HIPK4: variants seen among roughly 807,000 people sequenced by gnomAD.
The protein encoded by HIPK4 is homeodomain interacting protein kinase 4.
HIPK4 carries 26 observed loss-of-function variants against 44.8 expected under a neutral mutation model. That is an observed-to-expected ratio of 0.58 (90% CI 0.43 to 0.80). The LOEUF (loss-of-function observed/expected upper bound fraction) is 0.80. HIPK4 is among the 30% of genes least tolerant of loss of function. The probability of loss-of-function intolerance (pLI) is 0.00; values close to 1 mark genes in which losing one functional copy is unlikely to be tolerated. For missense variants in HIPK4, 729 were observed against 862.6 expected (o/e 0.85, Z 1.94); for synonymous variants, 340 against 355.5 (o/e 0.96, Z 0.49).
intron 3 of HIPK4, 139 bp from the exon 4 acceptor site, chr19:40,379,908 T>A (rs998421599): frequency 2.2e-6 from 2 of 904,176 alleles, no homozygotes; most frequent in Non-Finnish European, 3.2e-6. Context: ...CCCTTTGTAG[T>A]GATGTGATGA....
rs760036906 is a variant in HIPK4, at chr19:40,380,463, C to T, written c.1528G>A (p.Val510Ile). The change falls in exon 3 of 4, where the codon GTC becomes ATC. Residue 510 changes from valine to isoleucine, a missense_variant. Coordinates refer to ENST00000291823, the MANE Select transcript of HIPK4 (RefSeq NM_144685.5). This position sits in a 1 kb window ranked among gnomAD's most constrained non-coding sequence, Gnocchi z 4.2. ...NFSNLIRLSQ[V>I]SPEDDRPCRG... ...CAGGGCCTGTCATCCTCAGGCGAGA[C>T]CTGGCTCAGCCGAATGAGGTTGCTG... 1.2e-6 allele frequency: 2 copies of T among 1,613,644 alleles called. No homozygotes were observed. The highest frequency in any genetic ancestry group is 2.2e-5 in the East Asian group (1 of 44,886).
In HIPK4 at chr19:40,389,468, C is replaced by A; in HGVS notation, c.435G>T (p.Val145=). 1 of 1,600,222 alleles carries A rather than the reference C, an allele frequency of 6.2e-7. No individual in the cohort carries two copies. The highest frequency in any genetic ancestry group is 8.5e-7 in the Non-Finnish European group (1 of 1,170,854). Residue 145 remains valine, a synonymous_variant, in exon 1 of 4, where the codon GTG becomes GTT. Coordinates refer to ENST00000291823, the MANE Select transcript of HIPK4 (RefSeq NM_144685.5). This position sits in a 1 kb window ranked among gnomAD's most constrained non-coding sequence, Gnocchi z 4.6. ...ADLKPENIML[V]DQTRCPFRVK... ...CCCTGAAGGGGCAGCGGGTCTGGTCCACCAGCATGATGTTCTCAGGCTTGA... is the reference window on the plus strand; with the variant it reads ...CCCTGAAGGGGCAGCGGGTCTGGTCAACCAGCATGATGTTCTCAGGCTTGA...
At position 40,381,169 on chromosome 19, in the gene HIPK4, C is replaced by A; in HGVS notation, c.823-1G>T. 6.3e-7 allele frequency: 1 copy of A among 1,590,680 alleles called. No individual in the cohort carries two copies. Among genetic ancestry groups the A allele is most frequent in the South Asian group, 1.1e-5 (1 of 90,448 alleles). On this transcript the variant is annotated splice_acceptor_variant, in intron 2 of 3. Coordinates refer to ENST00000291823, the MANE Select transcript of HIPK4 (RefSeq NM_144685.5). LOFTEE classifies it high-confidence loss of function. Reference sequence around the variant, plus strand: ...ACTTGCGGCGCTCCAATGGGCGCACCTGGCGGGGCATGGAGAAGGGGGCAG... The same window carrying A: ...ACTTGCGGCGCTCCAATGGGCGCACATGGCGGGGCATGGAGAAGGGGGCAG...
chr19:40,383,745 C>T, intron 2 of HIPK4, 38 bp downstream of exon 2: 2 of 1,510,368 alleles, frequency 1.3e-6, no homozygotes, highest in South Asian at 1.2e-5. Context: ...CATGTAACAG[C>T]CCCCACACTG....
chr19:40,388,289 A>T (rs1333982780), intron 1 of HIPK4, among the ~76,000 whole-genome samples: 1 of 152,178 alleles, frequency 6.6e-6, no homozygotes, highest in Non-Finnish European at 1.5e-5. Flanking sequence ...AAGTGCTGGG[A>T]TTACAGGCGT....
At chr19:40,388,910 G>A (rs957405830) in intron 1 of HIPK4, among the ~76,000 whole-genome samples, 16 of 152,324 alleles carry the variant, frequency 1.1e-4, no homozygotes, top group South Asian at 2.1e-4. Context: ...TTGGCTGGGC[G>A]TGGTGGCTCA....
Position 40,379,597 on chromosome 19 carries a change from C to T in HIPK4, c.1841G>A (p.Gly614Glu), listed in dbSNP as rs374456621. The change falls in exon 4 of 4, where the codon GGG (glycine) becomes GAG (glutamate). Residue 614 changes from glycine to glutamate, a missense_variant. By Grantham distance (98) the Gly-to-Glu change is moderately conservative. Around this residue, in one of 2 missense-constraint regions of HIPK4, gnomAD observed 533 missense variants for 567.5 expected, o/e 0.94. Coordinates refer to ENST00000291823, the MANE Select transcript of HIPK4 (RefSeq NM_144685.5). The part of the protein sequence containing the change: ...GATSFLQHVT[G>E]HH ...GGGGTGGAATCACCATCAGTGGTGC[C>T]CGGTGACATGCTGGAGGAAGCTGGT... 25 of 1,534,782 alleles carry T rather than the reference C, an allele frequency of 1.6e-5. No individual in the cohort carries two copies. The highest frequency in any genetic ancestry group is 2.2e-5 in the Non-Finnish European group (25 of 1,141,666).
At chr19:40,382,933 G>A (rs1463920560) in intron 2 of HIPK4, among the ~76,000 whole-genome samples, 1 of 151,002 alleles carries the variant, frequency 6.6e-6, no homozygotes, top group East Asian at 2.0e-4. Flanking sequence ...TGTAAGCCCA[G>A]CTACTCAGGA....
chr19:40,382,961 C>A (rs1242372019), intron 2 of HIPK4, among the ~76,000 whole-genome samples: 2 of 150,886 alleles, frequency 1.3e-5, no homozygotes, highest in Non-Finnish European at 3.0e-5. Context: ...GCAGGAGAAT[C>A]TCTTGAACCT....
chr19:40,383,305 A>G (rs1004099966), intron 2 of HIPK4, among the ~76,000 whole-genome samples: 1 of 151,610 alleles, frequency 6.6e-6, no homozygotes, highest in Non-Finnish European at 1.5e-5. Context: ...GCTGGTCTTG[A>G]ACTCCTGACC....
chr19:40,386,572 TG>T (rs1046567224), intron 1 of HIPK4, among the ~76,000 whole-genome samples: 81 of 151,946 alleles, frequency 5.3e-4, no homozygotes, highest in Non-Finnish European at 4.9e-4. Context: ...TTGCCCAGGA[TG>T]GCTCCTGGGC....
At chr19:40,381,197 T>A in intron 2 of HIPK4, 29 bp from the exon 3 acceptor site, 1 of 1,563,556 alleles carries the variant, frequency 6.4e-7, no homozygotes, top group Non-Finnish European at 8.7e-7. Context: ...GGGGGCAGGG[T>A]TGACCATTGT....
At chr19:40,387,759 T>G (rs538821175) in intron 1 of HIPK4, among the ~76,000 whole-genome samples, 67 of 151,936 alleles carry the variant, frequency 4.4e-4, no homozygotes, top group African/African-American at 1.6e-3. Context: ...GATTACAGGC[T>G]TGGGCCACCA....
At position 40,381,114 on chromosome 19, in the gene HIPK4, T is replaced by C. The variant is rs976136541; in HGVS notation, c.877A>G (p.Thr293Ala). 2 of 1,609,452 alleles carry C rather than the reference T, an allele frequency of 1.2e-6. No individual in the cohort carries two copies. The highest frequency in any genetic ancestry group is 2.7e-5 in the African/African-American group (2 of 74,948). ...CTGGCCACACTGCCACCATTCACTG[T>C]CTCAATCTGGTCCAACGACTTGAGC... ...YMLKSLDQIE[T>A]VNGGSVASRL... The change falls in exon 3 of 4, where the codon ACA (threonine) becomes GCA (alanine). Residue 293 changes from threonine to alanine, a missense_variant. Physicochemically the swap from Thr to Ala is moderately conservative, Grantham distance 58. Around this residue, in one of 2 missense-constraint regions of HIPK4, gnomAD observed 533 missense variants for 567.5 expected, o/e 0.94. Coordinates refer to ENST00000291823, the MANE Select transcript of HIPK4 (RefSeq NM_144685.5).
Position 40,381,180 on chromosome 19 carries a change from T to A in HIPK4, c.823-12A>T. 1 of 1,585,352 alleles carries A rather than the reference T, an allele frequency of 6.3e-7. No homozygotes were observed. The highest frequency in any genetic ancestry group is 8.5e-7 in the Non-Finnish European group (1 of 1,169,688). ...TCCAATGGGCGCACCTGGCGGGGCA[T>A]GGAGAAGGGGGCAGGGTTGACCATT... is the stretch of plus-strand genomic sequence containing the variant. On this transcript the variant is annotated splice_polypyrimidine_tract_variant and intron_variant, in intron 2 of 3. Coordinates refer to ENST00000291823, the MANE Select transcript of HIPK4 (RefSeq NM_144685.5).
At chr19:40,385,760 T>C (rs2079360665) in intron 1 of HIPK4, among the ~76,000 whole-genome samples, 1 of 134,326 alleles carries the variant, frequency 7.4e-6, no homozygotes, top group African/African-American at 2.9e-5. Flanking sequence ...CAGGCTGGAG[T>C]GCAATGGTGC....
In HIPK4 at chr19:40,383,966, A is replaced by G; in HGVS notation, c.639T>C (p.Pro213=). 6.2e-7 allele frequency: 1 copy of G among 1,614,114 alleles called. No individual in the cohort carries two copies. Among genetic ancestry groups the G allele is most frequent in the South Asian group, 1.1e-5 (1 of 91,080 alleles). The change falls in exon 2 of 4, where the codon CCT becomes CCC. Residue 213 remains proline, a synonymous_variant. Coordinates refer to ENST00000291823, the MANE Select transcript of HIPK4 (RefSeq NM_144685.5). ...CGTACTCGTTGTTGCCGGGGTAGAGAGGCCAGCCCAGGTGCAGCTCAGCCA... is the reference window on the plus strand; with the variant it reads ...CGTACTCGTTGTTGCCGGGGTAGAGGGGCCAGCCCAGGTGCAGCTCAGCCA... The part of the protein sequence containing the change: ...CVMAELHLGW[P]LYPGNNEYDQ...
chr19:40,381,022 C>A lies in HIPK4; in HGVS notation c.969G>T (p.Leu323=). ...ACTCCCAGGTCAGCATGCGCTTGAT[C>A]AGCTCCACCATGCTCTTGAGGTCGG... ...EHADLKSMVE[L]IKRMLTWESH... The change falls in exon 3 of 4, where the codon CTG becomes CTT. Residue 323 remains leucine (L), a synonymous_variant. Transcript: ENST00000291823. 6.2e-7 allele frequency: 1 copy of A among 1,613,548 alleles called. No homozygotes were observed. The highest frequency in any genetic ancestry group is 8.5e-7 in the Non-Finnish European group (1 of 1,180,012).
Position 40,380,359 on chromosome 19 carries a change from A to C in HIPK4, c.1632T>G (p.Asp544Glu). 6.2e-7 allele frequency: 1 copy of C among 1,614,140 alleles called. No individual in the cohort carries two copies. The highest frequency in any genetic ancestry group is 8.5e-7 in the Non-Finnish European group (1 of 1,180,020). Reference protein sequence around the residue: ...EPLAILQRDEDGPNIDNMTME... With the variant: ...EPLAILQRDEEGPNIDNMTME... ...TGGTCATGTTGTCAATGTTGGGCCC[A>C]TCCTCATCTCGCTGCAGGATGGCCA... Residue 544 changes from aspartate (D) to glutamate (E), a missense_variant, in exon 3 of 4, where the codon GAT becomes GAG. By Grantham distance (45) the Asp-to-Glu change is conservative. Around this residue, in one of 2 missense-constraint regions of HIPK4, gnomAD observed 533 missense variants for 567.5 expected, o/e 0.94. Coordinates refer to ENST00000291823, the MANE Select transcript of HIPK4 (RefSeq NM_144685.5). The surrounding 1 kb of genome is among the most constrained non-coding windows in gnomAD (Gnocchi z 4.2).
Sources: gnomAD v4.1 joint callset for allele counts (sites outside exome capture counted in the v4.1 genomes callset) on GRCh38, gnomAD v4.1.1 for gene constraint, gnomAD v4.1.1 regional missense constraint, Gnocchi (gnomAD v3.1) non-coding constraint, MANE v1.5 for transcripts, NCBI Gene and HGNC (gene_info 2026-07-23, HGNC 2026-07-21) for gene names.